The following LARS1 variants were observed in gnomAD, a reference collection of about 807,000 sequenced individuals.
LARS1 encodes the protein leucine--tRNA ligase, cytoplasmic.
LARS1 carries 100 observed loss-of-function variants against 162.8 expected under a neutral mutation model. That is an observed-to-expected ratio of 0.61 (90% CI 0.52 to 0.73). LARS1 has a LOEUF of 0.73. Among genes scored for constraint, LARS1 ranks in the 30% least tolerant of loss-of-function variants. The pLI is 0.00. For missense variants in LARS1, 1,258 were observed against 1,408.9 expected (o/e 0.89, Z 1.71); for synonymous variants, 457 against 462.8 (o/e 0.99, Z 0.16).
intron 22 of LARS1, among the ~76,000 whole-genome samples, chr5:146,134,006 G>A (rs983673612): frequency 6.6e-6 from 1 of 152,066 alleles, no homozygotes; most frequent in Non-Finnish European, 1.5e-5. Context: ...CACCACGCCC[G>A]GCTAATTTTG....
At chr5:146,180,812 TA>T (rs1561503900) in intron 1 of LARS1, among the ~76,000 whole-genome samples, 1 of 152,146 alleles carries the variant, frequency 6.6e-6, no homozygotes, top group Non-Finnish European at 1.5e-5. Context: ...AAAGGCTATA[TA>T]ACTAAATCAG....
At position 146,133,422 on chromosome 5, in the gene LARS1, C is replaced by G. The variant is rs1371012517; in HGVS notation, c.2213-341G>C. Among the ~76,000 whole-genome samples the G allele has an allele frequency of 3.9e-5, 6 of 152,236 alleles. No individual in the cohort carries two copies. In the East Asian group the frequency reaches 1.2e-3, roughly 29 times the overall value. ...AAGACACACCTTTCATTGTGGTTTT[C>G]TTATCAACATTTCAGCCTCATTTAG... On this transcript the variant is annotated intron_variant, in intron 22 of 31. Transcript: ENST00000394434.
At chr5:146,161,544 C>T (rs1753776736) in intron 6 of LARS1, among the ~76,000 whole-genome samples, 1 of 152,094 alleles carries the variant, frequency 6.6e-6, no homozygotes, top group South Asian at 2.1e-4. Flanking sequence ...GCCTAACCAA[C>T]ATGGAGAAAC....
chr5:146,172,617 G>T, intron 3 of LARS1, 70 bp downstream of exon 3: 1 of 792,888 alleles, frequency 1.3e-6, no homozygotes, highest in Non-Finnish European at 2.0e-6. Flanking sequence ...TTCTATAGCT[G>T]CCATTTTCTT....
In LARS1 at chr5:146,157,707, C is replaced by A. The variant is rs114841511; in HGVS notation, c.839+21G>T. On this transcript the variant is annotated intron_variant, in intron 9 of 31. Coordinates refer to ENST00000394434, the MANE Select transcript of LARS1 (RefSeq NM_020117.11). ...ATCTGATGGTTCAGAAATGATAAAG[C>A]AATTACTCTGGCAAACCTACCTTAA... is the stretch of plus-strand genomic sequence containing the variant. 4.1e-4 allele frequency: 666 copies of A among 1,613,574 alleles called. 4 individuals are homozygous for A. The African/African-American group carries it at 8.1e-3, about 20-fold the overall frequency.
chr5:146,168,696 A>G (rs1754128849), intron 4 of LARS1, among the ~76,000 whole-genome samples: 1 of 152,112 alleles, frequency 6.6e-6, no homozygotes, highest in African/African-American at 2.4e-5. Flanking sequence ...TGTCTCAAAA[A>G]AATAAAATTA....
intron 8 of LARS1, among the ~76,000 whole-genome samples, chr5:146,158,080 A>G (rs1305777111): frequency 6.6e-6 from 1 of 152,216 alleles, no homozygotes; most frequent in Non-Finnish European, 1.5e-5. Context: ...CATAGTAGTC[A>G]TCAAAGGAAG....
At chr5:146,166,001 C>T (rs958029925) in intron 5 of LARS1, among the ~76,000 whole-genome samples, 2 of 152,116 alleles carry the variant, frequency 1.3e-5, no homozygotes, top group Non-Finnish European at 2.9e-5. Flanking sequence ...CATTCAAATA[C>T]ATAAAGAAAT....
chr5:146,130,062 A>G lies in LARS1; in HGVS notation c.2584T>C (p.Phe862Leu), dbSNP rs770962213. ...IEVQTLLLAP[F>L]CPHLCEHIWT... ...ATGTGCTCACACAAATGTGGACAGA[A>G]TGGAGCGAGGAGAAGTGTCTGAACT... Residue 862 changes from phenylalanine (F) to leucine (L), a missense_variant, in exon 25 of 32, where the codon TTC (phenylalanine) becomes CTC (leucine). Transcript: ENST00000394434. The G allele has an allele frequency of 5.6e-6, 9 of 1,614,044 alleles. No homozygotes were observed. The highest frequency in any genetic ancestry group is 7.6e-6 in the Non-Finnish European group (9 of 1,179,908).
rs1023948721 is a variant in LARS1, at chr5:146,113,703, A to T, written c.*403T>A. 4.5e-5 allele frequency: 7 copies of T among 154,566 alleles called. No homozygotes were observed. Among genetic ancestry groups the T allele is most frequent in the Middle Eastern group, 3.1e-3 (1 of 318 alleles). 9.6% of individuals were successfully genotyped at this position (154,566 alleles called of 1,614,324 possible). A position where few individuals can be genotyped will look rare whatever the true frequency, so the allele number is the denominator to read the frequency against. On this transcript the variant is annotated 3_prime_UTR_variant, in exon 32 of 32. Coordinates refer to ENST00000394434, the MANE Select transcript of LARS1 (RefSeq NM_020117.11). ...GCTAATTTACTACTTTTCTTTTTTA[A>T]AAAAAAATACAGCTAACTCCATAAA...
Position 146,114,082 on chromosome 5 carries a change from G to C in LARS1, c.*24C>G. On this transcript the variant is annotated 3_prime_UTR_variant, in exon 32 of 32. Coordinates refer to ENST00000394434, the MANE Select transcript of LARS1 (RefSeq NM_020117.11). ...AGTAGTAGTATTCCTAAGAAACCAG[G>C]ATAAATCTCCAATGTGCATGAGTTT... 1 of 1,572,252 alleles carries C rather than the reference G, an allele frequency of 6.4e-7. No individual in the cohort carries two copies. The highest frequency in any genetic ancestry group is 8.7e-7 in the Non-Finnish European group (1 of 1,143,378).
intron 21 of LARS1, chr5:146,138,243 A>C: frequency 5.2e-6 from 1 of 190,672 alleles, no homozygotes; most frequent in Non-Finnish European, 1.2e-5. Flanking sequence ...CAAACCAAAC[A>C]AAACCAGAGT....
chr5:146,131,524 C>A (rs1349785675), intron 23 of LARS1: 1 of 133,636 alleles, frequency 7.5e-6, no homozygotes, highest in Non-Finnish European at 1.5e-5. Context: ...GAGACAGGGT[C>A]TCTGTCACCT....
At chr5:146,160,647 T>TTCAA (rs1190988255) in intron 6 of LARS1, among the ~76,000 whole-genome samples, 161 bp from the exon 7 acceptor site, 1 of 139,184 alleles carries the variant, frequency 7.2e-6, no homozygotes, top group Non-Finnish European at 1.6e-5. Flanking sequence ...TCACAATTAC[T>TTCAA]TTAATTTACT....
chr5:146,116,747 A>G (rs539336422), intron 31 of LARS1, among the ~76,000 whole-genome samples: 8 of 152,328 alleles, frequency 5.3e-5, no homozygotes, highest in Admixed American at 5.2e-4. Flanking sequence ...CAAATTTATT[A>G]CCATCAGATA....
intron 31 of LARS1, among the ~76,000 whole-genome samples, chr5:146,115,705 A>T (rs1484918670): frequency 1.3e-5 from 2 of 151,942 alleles, no homozygotes; most frequent in Non-Finnish European, 2.9e-5. Flanking sequence ...AGACTTCCCA[A>T]CATCAAATGG....
intron 23 of LARS1, 173 bp from the exon 24 acceptor site, chr5:146,131,282 C>T (rs1414615428): frequency 2.2e-6 from 1 of 452,646 alleles, no homozygotes; most frequent in African/African-American, 2.0e-5. Flanking sequence ...AACTGCTCAA[C>T]ACAACACCAT....
In LARS1 at chr5:146,158,824, C is replaced by T. The variant is rs543911315; in HGVS notation, c.771+583G>A. Among the ~76,000 whole-genome samples the T allele has an allele frequency of 3.3e-5, 5 of 152,258 alleles. No individual in the cohort carries two copies. The East Asian group carries it at 7.7e-4, about 23-fold the overall frequency. ...AAAAGATATTCCTGGAGGCCGGGCACGGTGGCTCACGCCTGTAATCTCAGC... is the reference window on the plus strand; with the variant it reads ...AAAAGATATTCCTGGAGGCCGGGCATGGTGGCTCACGCCTGTAATCTCAGC... On this transcript the variant is annotated intron_variant, in intron 8 of 31. Transcript: ENST00000394434.
chr5:146,167,629 C>T (rs945840337), intron 5 of LARS1, among the ~76,000 whole-genome samples: 2 of 151,716 alleles, frequency 1.3e-5, no homozygotes, highest in Non-Finnish European at 2.9e-5. Context: ...CTCCTGACCT[C>T]GTGATCCGCC....
Sources: allele counts gnomAD v4.1 joint callset (sites outside exome capture counted in the v4.1 genomes callset), GRCh38; gene constraint gnomAD v4.1.1; transcripts MANE v1.5; gene names NCBI Gene and HGNC (gene_info 2026-07-23, HGNC 2026-07-21).